Variants in RAD51B observed in about 807,000 individuals in gnomAD.
The protein encoded by RAD51B is RAD51 paralog B, also known as DNA repair protein RAD51 homolog 2.
RAD51B carries 38 observed loss-of-function variants against 42.2 expected under a neutral mutation model. The observed-to-expected ratio is 0.90, with a 90% CI of 0.70 to 1.18. The LOEUF is 1.18. Among genes scored for constraint, RAD51B ranks in the 50% most tolerant of loss-of-function variants. RAD51B has a pLI of 0.00. For missense variants in RAD51B, 373 were observed against 400.7 expected (o/e 0.93, Z 0.59); for synonymous variants, 154 against 145.2 (o/e 1.06, Z -0.43).
rs1048399599 is a variant in RAD51B at position 67,926,098 on chromosome 14, A to G, written c.756+38894A>G. On this transcript the variant is annotated intron_variant, in intron 7 of 10. Transcript: ENST00000471583. ...ATTTTTTCCATTGTCTTGGGGATTA[A>G]CATTTGGCCCCTTATTACTTATGCA... Among the ~76,000 whole-genome samples, 7 of 152,176 alleles carry G rather than the reference A, an allele frequency of 4.6e-5. No homozygotes were observed. In the East Asian group the frequency reaches 1.2e-3, roughly 25 times the overall value.
At chr14:68,192,278 A>G (rs1462819336) in intron 7 of RAD51B, among the ~76,000 whole-genome samples, 2 of 152,190 alleles carry the variant, frequency 1.3e-5, no homozygotes, top group Non-Finnish European at 2.9e-5. Context: ...AATCAAGAGG[A>G]CACAGCAAGA....
intron 9 of RAD51B, among the ~76,000 whole-genome samples, chr14:68,412,960 T>G (rs920310696): frequency 6.6e-6 from 1 of 152,224 alleles, no homozygotes; most frequent in Admixed American, 6.5e-5. Context: ...TTCGTTTTCA[T>G]GGATCCTTGA....
intron 7 of RAD51B, among the ~76,000 whole-genome samples, chr14:67,972,137 A>T (rs962593759): frequency 1.3e-5 from 2 of 151,516 alleles, no homozygotes; most frequent in African/African-American, 4.9e-5. Context: ...AACCAGTAGT[A>T]CTTCTCAGTC....
Position 68,411,490 on chromosome 14 carries a change from G to A in RAD51B, c.920G>A (p.Arg307Gln), listed in dbSNP as rs34829418. ...GNTWSHSVNT[R>Q]LILQYLDSER... ...ACCTGGAGTCACAGTGTGAATACCC[G>A]GCTGATCCTCCAGTACCTTGATTCA... The change falls in exon 9 of 11, where the codon CGG becomes CAG. Residue 307 changes from arginine (R) to glutamine (Q), a missense_variant. Arg to Gln is a conservative substitution (Grantham distance 43). Coordinates refer to ENST00000471583, the MANE Select transcript of RAD51B (RefSeq NM_133510.4). The A allele has an allele frequency of 1.1e-5, 17 of 1,613,946 alleles. No homozygotes were observed. In the East Asian group the frequency reaches 1.1e-4, roughly 11 times the overall value.
chr14:67,838,582 A>G (rs1042411378), intron 4 of RAD51B, among the ~76,000 whole-genome samples: 3 of 152,060 alleles, frequency 2.0e-5, no homozygotes, highest in Middle Eastern at 3.2e-3. Context: ...AGCTAGGACT[A>G]CAGGTGTGCA....
intron 8 of RAD51B, among the ~76,000 whole-genome samples, chr14:68,395,411 A>G (rs1594775721): frequency 6.6e-6 from 1 of 152,086 alleles, no homozygotes; most frequent in Admixed American, 6.5e-5. Flanking sequence ...AAGGGGGAGG[A>G]TAGAAAAACT....
intron 7 of RAD51B, among the ~76,000 whole-genome samples, chr14:68,127,646 CA>C (rs2077794309): frequency 7.3e-6 from 1 of 136,676 alleles, no homozygotes; most frequent in Non-Finnish European, 1.5e-5. Flanking sequence ...CACACACACA[CA>C]CACACACATA....
Position 68,011,846 on chromosome 14 carries a change from T to G in RAD51B, c.756+124642T>G, listed in dbSNP as rs564325250. 1.3e-4 allele frequency among the ~76,000 whole-genome samples: 20 copies of G among 152,222 alleles called. No individual in the cohort carries two copies. In the South Asian group the frequency reaches 3.9e-3, roughly 30 times the overall value. On this transcript the variant is annotated intron_variant, in intron 7 of 10. Coordinates refer to ENST00000471583, the MANE Select transcript of RAD51B (RefSeq NM_133510.4). ...CTAAAAATTCCAGTTCACTTACATATGAAGTTAGTCTGGCTGTTTCTCACC... is the reference window on the plus strand; with the variant it reads ...CTAAAAATTCCAGTTCACTTACATAGGAAGTTAGTCTGGCTGTTTCTCACC...
intron 10 of RAD51B, among the ~76,000 whole-genome samples, chr14:68,551,332 C>T (rs527903692): frequency 2.0e-5 from 3 of 152,330 alleles, no homozygotes; most frequent in Admixed American, 6.5e-5. Context: ...CCCCTTCAGC[C>T]CCAAGTCGCG....
intron 9 of RAD51B, among the ~76,000 whole-genome samples, chr14:68,412,635 C>T (rs374384367): frequency 2.8e-4 from 43 of 152,314 alleles, no homozygotes; most frequent in African/African-American, 1.0e-3. Flanking sequence ...GTGATCACGT[C>T]AGCCATGTCC....
intron 7 of RAD51B, among the ~76,000 whole-genome samples, chr14:68,083,582 A>G (rs1037943782): frequency 6.6e-6 from 1 of 152,206 alleles, no homozygotes; most frequent in Non-Finnish European, 1.5e-5. Context: ...TAAAAACGTG[A>G]TATCTAGGAA....
chr14:68,494,435 T>C (rs563946170), intron 10 of RAD51B, among the ~76,000 whole-genome samples: 9 of 152,220 alleles, frequency 5.9e-5, no homozygotes, highest in African/African-American at 1.4e-4. Context: ...CCCGAGGCAC[T>C]CTAACAGTCA....
At chr14:68,563,824 C>T (rs1229946666) in intron 10 of RAD51B, 29 of 985,264 alleles carry the variant, frequency 2.9e-5, no homozygotes, top group Non-Finnish European at 3.5e-5. Context: ...GTCCTTGGAA[C>T]GTGCTTTTTT....
intron 8 of RAD51B, among the ~76,000 whole-genome samples, chr14:68,388,687 G>T (rs547958882): frequency 1.3e-5 from 2 of 152,154 alleles, no homozygotes; most frequent in South Asian, 2.1e-4. Flanking sequence ...CTTACATCAG[G>T]CGGTGAGGAT....
intron 7 of RAD51B, among the ~76,000 whole-genome samples, chr14:68,219,877 A>T (rs1330717132): frequency 6.6e-6 from 1 of 152,244 alleles, no homozygotes; most frequent in Non-Finnish European, 1.5e-5. Flanking sequence ...TAATTCAGAA[A>T]GTGAATTATT....
intron 10 of RAD51B, among the ~76,000 whole-genome samples, chr14:68,548,948 C>T (rs1888374132): frequency 6.6e-6 from 1 of 152,198 alleles, no homozygotes; most frequent in Non-Finnish European, 1.5e-5. Flanking sequence ...GCAAATCCCT[C>T]CTCCCACCCC....
rs922211918 is a variant in RAD51B, at chr14:68,380,580, C to T, written c.854-30844C>T. 2.0e-5 allele frequency among the ~76,000 whole-genome samples: 3 copies of T among 152,152 alleles called. No individual in the cohort carries two copies. The East Asian group carries it at 5.8e-4, about 29-fold the overall frequency. ...AGAGATGGAGTGGGGGATGAAGGAT[C>T]GCTGGCTTTTACAGTCTCAGCAAGA... On this transcript the variant is annotated intron_variant, in intron 8 of 10. Transcript: ENST00000471583.
intron 7 of RAD51B, among the ~76,000 whole-genome samples, chr14:67,889,163 T>C (rs1303889555): frequency 2.6e-5 from 4 of 152,152 alleles, no homozygotes; most frequent in Non-Finnish European, 5.9e-5. Context: ...GATTATACTA[T>C]GTACTTATAT....
At chr14:68,556,158 A>C (rs28492919) in intron 10 of RAD51B, among the ~76,000 whole-genome samples, 1 of 152,038 alleles carries the variant, frequency 6.6e-6, no homozygotes, top group South Asian at 2.1e-4. Context: ...AGTACCTACT[A>C]TATTCTGGAC....
Sources: allele counts gnomAD v4.1 joint callset (sites outside exome capture counted in the v4.1 genomes callset), GRCh38; gene constraint gnomAD v4.1.1; transcripts MANE v1.5; gene names NCBI Gene and HGNC (gene_info 2026-07-23, HGNC 2026-07-21).